EFCAB14: variants seen among roughly 807,000 people sequenced by gnomAD.
The protein encoded by EFCAB14 is EF-hand calcium binding domain 14.
In EFCAB14, 43 loss-of-function variants were observed where a neutral mutation model predicts 56.5. That is an observed-to-expected ratio of 0.76 (90% CI 0.60 to 0.98). The LOEUF (loss-of-function observed/expected upper bound fraction) is 0.98, where lower values mean the gene tolerates loss of function less well. EFCAB14 is among the 50% of genes least tolerant of loss of function. The pLI is 0.00. For missense variants in EFCAB14, 538 were observed against 580.3 expected, an observed-to-expected ratio of 0.93 and a Z score of 0.75; for synonymous variants, 235 against 212.9, an observed-to-expected ratio of 1.10 and a Z score of -0.90.
At chr1:46,715,374 C>T (rs1160295646) in intron 2 of EFCAB14, among the ~76,000 whole-genome samples, 2 of 152,168 alleles carry the variant, frequency 1.3e-5, no homozygotes, top group Non-Finnish European at 1.5e-5. Flanking sequence ...GAACAAATTA[C>T]TTAATCCTTC....
chr1:46,682,627 T>C (rs1676813622), intron 10 of EFCAB14, among the ~76,000 whole-genome samples: 1 of 152,234 alleles, frequency 6.6e-6, no homozygotes, highest in Admixed American at 6.5e-5. Context: ...AGACCATATC[T>C]TATACTGTAT....
intron 3 of EFCAB14, among the ~76,000 whole-genome samples, chr1:46,704,953 C>T (rs1310498926): frequency 4.0e-5 from 6 of 149,468 alleles, no homozygotes; most frequent in African/African-American, 1.2e-4. Context: ...GAACAGTTCT[C>T]GTTAAGTGAT....
At chr1:46,717,058 C>CCT (rs1677408152) in intron 1 of EFCAB14, among the ~76,000 whole-genome samples, 1 of 152,206 alleles carries the variant, frequency 6.6e-6, no homozygotes, top group South Asian at 2.1e-4. Flanking sequence ...ACTCCAGGTA[C>CCT]CTTCTGATGA....
chr1:46,717,913 G>T lies in EFCAB14; in HGVS notation c.175C>A (p.Arg59Ser). ...TTCACCACTACTCACTTGGCAAAGC[G>T]AGAGCGATTTCCAACCACACCGAAT... Reference protein sequence around the residue: ...EEFGVVGNRSRFAKGDYLRCC... With the variant: ...EEFGVVGNRSSFAKGDYLRCC... Residue 59 changes from arginine to serine, a missense_variant, in exon 1 of 11, where the codon CGC (arginine) becomes AGC (serine). Coordinates refer to ENST00000371933, the MANE Select transcript of EFCAB14 (RefSeq NM_014774.3). 1 of 1,613,412 alleles carries T rather than the reference G, an allele frequency of 6.2e-7. No individual in the cohort carries two copies. The highest frequency in any genetic ancestry group is 8.5e-7 in the Non-Finnish European group (1 of 1,179,800).
intron 2 of EFCAB14, among the ~76,000 whole-genome samples, chr1:46,710,208 TA>T (rs1056481077): frequency 1.8e-3 from 270 of 151,808 alleles, no homozygotes; most frequent in African/African-American, 5.9e-3. Context: ...GCTTTAAAAT[TA>T]AAAAAAAATT....
chr1:46,686,969 T>C (rs751712807), intron 7 of EFCAB14, 99 bp from the exon 8 acceptor site: 17 of 1,105,376 alleles, frequency 1.5e-5, no homozygotes, highest in South Asian at 2.7e-5. Flanking sequence ...GTCAAACTTA[T>C]TTAAAGGATC....
intron 4 of EFCAB14, among the ~76,000 whole-genome samples, chr1:46,693,447 A>G (rs1401892908): frequency 1.3e-5 from 2 of 152,248 alleles, no homozygotes; most frequent in East Asian, 1.9e-4. Context: ...GAGCCACTTG[A>G]AAGAAACACA....
At chr1:46,689,734 T>C (rs1285736186) in intron 5 of EFCAB14, 43 bp from the exon 6 acceptor site, 5 of 1,520,494 alleles carry the variant, frequency 3.3e-6, no homozygotes, top group Admixed American at 1.7e-5. Context: ...CAAGGAATTA[T>C]TAGGTCTACT....
intron 3 of EFCAB14, among the ~76,000 whole-genome samples, chr1:46,705,175 G>C (rs1365844272): frequency 3.3e-5 from 5 of 152,230 alleles, no homozygotes; most frequent in African/African-American, 1.2e-4. Flanking sequence ...CAGACAGAGA[G>C]TGCTGAGCTC....
chr1:46,715,786 G>C (rs1379706259), intron 2 of EFCAB14, among the ~76,000 whole-genome samples: 1 of 151,918 alleles, frequency 6.6e-6, no homozygotes, highest in South Asian at 2.1e-4. Flanking sequence ...TTTTATTTGT[G>C]AGTTTAAAAA....
In EFCAB14 at chr1:46,678,515, G is replaced by T; in HGVS notation, c.1434C>A (p.Ser478=). ...PEPESLRAFD[S]DGDGRYSFLE... is the part of the protein sequence containing the mutation. ...GGAATGAGTATCTTCCATCTCCATCGGAATCAAATGCTCTCAAGCTCTCTG... is the reference window on the plus strand; with the variant it reads ...GGAATGAGTATCTTCCATCTCCATCTGAATCAAATGCTCTCAAGCTCTCTG... Residue 478 remains serine, a synonymous_variant, in exon 11 of 11, where the codon TCC becomes TCA. Coordinates refer to ENST00000371933, the MANE Select transcript of EFCAB14 (RefSeq NM_014774.3). 1 of 1,614,050 alleles carries T rather than the reference G, an allele frequency of 6.2e-7. No individual in the cohort carries two copies. Among genetic ancestry groups the T allele is most frequent in the Non-Finnish European group, 8.5e-7 (1 of 1,180,008 alleles).
chr1:46,717,811 C>T, intron 1 of EFCAB14, 92 bp downstream of exon 1: 1 of 1,401,564 alleles, frequency 7.1e-7, no homozygotes, highest in South Asian at 1.4e-5. Context: ...CTTTTTTCTT[C>T]CTAAGGACTT....
At chr1:46,678,959 T>C (rs931591705) in intron 10 of EFCAB14, among the ~76,000 whole-genome samples, 1 of 152,108 alleles carries the variant, frequency 6.6e-6, no homozygotes, top group South Asian at 2.1e-4. Context: ...ACTGCCAAAG[T>C]AGAAGCAGTG....
intron 7 of EFCAB14, 69 bp from the exon 8 acceptor site, chr1:46,686,939 T>C (rs1375376669): frequency 3.5e-6 from 5 of 1,429,220 alleles, no homozygotes; most frequent in East Asian, 2.3e-5. Flanking sequence ...CTTGAACACC[T>C]AGCACTTTTA....
In EFCAB14 at chr1:46,688,422, G is replaced by A. The variant is rs1457879806; in HGVS notation, c.918C>T (p.Val306=). The A allele has an allele frequency of 6.8e-6, 11 of 1,613,998 alleles. No individual in the cohort carries two copies. The highest frequency in any genetic ancestry group is 9.3e-6 in the Non-Finnish European group (11 of 1,179,920). Residue 306 remains valine (V), a synonymous_variant, in exon 7 of 11, where the codon GTC becomes GTT. Coordinates refer to ENST00000371933, the MANE Select transcript of EFCAB14 (RefSeq NM_014774.3). The stretch of plus-strand genomic sequence containing the variant: ...CAACCACATCGCTTTCTATCAGGTT[G>A]ACTCTCTGGGTAAGATTACTGACTG... ...NETVSNLTQR[V]NLIESDVVAM...
intron 2 of EFCAB14, among the ~76,000 whole-genome samples, chr1:46,708,439 C>T (rs1677263614): frequency 1.3e-5 from 2 of 152,136 alleles, no homozygotes. Context: ...GAGAGAATGG[C>T]TGCAAAGCAC....
intron 3 of EFCAB14, among the ~76,000 whole-genome samples, chr1:46,705,242 T>G (rs1466726328): frequency 6.6e-6 from 1 of 152,184 alleles, no homozygotes; most frequent in African/African-American, 2.4e-5. Context: ...GGGCCTGCGC[T>G]CATGGTGAAG....
At chr1:46,717,090 T>A (rs761346243) in intron 1 of EFCAB14, among the ~76,000 whole-genome samples, 2 of 152,200 alleles carry the variant, frequency 1.3e-5, no homozygotes, top group Non-Finnish European at 2.9e-5. Context: ...CAACTGATCT[T>A]CATAACCCAA....
chr1:46,691,706 C>T (rs1229555734), intron 5 of EFCAB14, 121 bp downstream of exon 5: 1 of 629,970 alleles, frequency 1.6e-6, no homozygotes, highest in Non-Finnish European at 2.8e-6. Flanking sequence ...ATGTATACTG[C>T]TTATTAGATC....
Sources: allele counts gnomAD v4.1 joint callset (sites outside exome capture counted in the v4.1 genomes callset), GRCh38; gene constraint gnomAD v4.1.1; transcripts MANE v1.5; gene names NCBI Gene and HGNC (gene_info 2026-07-23, HGNC 2026-07-21).